The following PIP5K1B variants were observed in gnomAD, a reference collection of about 807,000 sequenced individuals.
PIP5K1B encodes the protein phosphatidylinositol 4-phosphate 5-kinase type-1 beta.
PIP5K1B carries 42 observed loss-of-function variants against 67.0 expected under a neutral mutation model. The observed-to-expected ratio is 0.63, with a 90% CI of 0.49 to 0.81. The LOEUF is 0.81. Ranked by LOEUF, PIP5K1B falls within the 30% of genes least tolerant of loss-of-function variation. PIP5K1B has a pLI of 0.00. For missense variants in PIP5K1B, 459 were observed against 646.3 expected, an observed-to-expected ratio of 0.71 and a Z score of 3.14; for synonymous variants, 214 against 231.4, an observed-to-expected ratio of 0.92 and a Z score of 0.68.
chr9:68,946,159 A>T lies in PIP5K1B; in HGVS notation c.1502+5369A>T, dbSNP rs546864494. Among the ~76,000 whole-genome samples, 5 of 152,288 alleles carry T rather than the reference A, an allele frequency of 3.3e-5. No homozygotes were observed. The East Asian group carries it at 9.7e-4, about 29-fold the overall frequency. ...ACAGCAAGGTCAGCAGGAATCTTTA[A>T]TATTTACAAAATGAAAGGAGAACAG... On this transcript the variant is annotated intron_variant, in intron 14 of 15. Transcript: ENST00000265382.
At chr9:68,896,724 A>G (rs139391448) in intron 8 of PIP5K1B, among the ~76,000 whole-genome samples, 3 of 152,330 alleles carry the variant, frequency 2.0e-5, no homozygotes, top group East Asian at 1.9e-4. Flanking sequence ...TGTCCTGACC[A>G]TGACCAAGTC....
intron 14 of PIP5K1B, among the ~76,000 whole-genome samples, chr9:68,964,633 C>G (rs1320037578): frequency 6.6e-6 from 1 of 152,088 alleles, no homozygotes; most frequent in Non-Finnish European, 1.5e-5. Context: ...ATGGAAGTTA[C>G]AAAGAAAGGA....
chr9:68,763,505 T>C (rs1244384396), intron 2 of PIP5K1B, among the ~76,000 whole-genome samples: 1 of 152,100 alleles, frequency 6.6e-6, no homozygotes, highest in Non-Finnish European at 1.5e-5. Flanking sequence ...ATGATCACAA[T>C]GATATTACAT....
rs558206260 is a variant in PIP5K1B at position 68,877,962 on chromosome 9, G to T, written c.318+1168G>T. Among the ~76,000 whole-genome samples, 42 of 151,450 alleles carry T rather than the reference G, an allele frequency of 2.8e-4. No individual in the cohort carries two copies. In the South Asian group the frequency reaches 8.8e-3, roughly 32 times the overall value. On this transcript the variant is annotated intron_variant, in intron 6 of 15. Coordinates refer to ENST00000265382, the MANE Select transcript of PIP5K1B (RefSeq NM_003558.4). ...CACTCCCCTTTCATTGAAGCCTCAGGTGCCTCTACCCATCACTACCAATGC... is the reference window on the plus strand; with the variant it reads ...CACTCCCCTTTCATTGAAGCCTCAGTTGCCTCTACCCATCACTACCAATGC...
chr9:68,781,731 AAAT>A (rs1831296768), intron 2 of PIP5K1B: 1 of 166,792 alleles, frequency 6.0e-6, no homozygotes, highest in African/African-American at 2.4e-5. Context: ...ACTATAGAGA[AAAT>A]AAAATTTTTT....
At chr9:68,807,433 G>T (rs762223922) in intron 2 of PIP5K1B, among the ~76,000 whole-genome samples, 8 of 152,150 alleles carry the variant, frequency 5.3e-5, no homozygotes, top group Non-Finnish European at 7.3e-5. Context: ...GCCATCCCCT[G>T]CAATGATTGT....
intron 14 of PIP5K1B, among the ~76,000 whole-genome samples, chr9:68,961,286 G>C (rs983471526): frequency 2.6e-5 from 4 of 151,836 alleles, no homozygotes; most frequent in African/African-American, 9.7e-5. Flanking sequence ...GTTACCTAGT[G>C]CTGGGGATTT....
At chr9:68,864,031 T>C in intron 5 of PIP5K1B, 64 bp downstream of exon 5, 2 of 1,487,452 alleles carry the variant, frequency 1.3e-6, no homozygotes, top group Middle Eastern at 4.4e-4. Context: ...CAACCCCATA[T>C]TGAAGGGCTT....
intron 4 of PIP5K1B, among the ~76,000 whole-genome samples, chr9:68,851,357 A>C (rs150213674): frequency 2.6e-3 from 398 of 152,348 alleles, no homozygotes; most frequent in Non-Finnish European, 3.7e-3. Flanking sequence ...CTAGTGTGTC[A>C]GAATAACCTT....
At chr9:68,901,196 C>T (rs868779360) in intron 8 of PIP5K1B, among the ~76,000 whole-genome samples, 3 of 152,146 alleles carry the variant, frequency 2.0e-5, no homozygotes, top group Non-Finnish European at 4.4e-5. Flanking sequence ...TTTTAGACTT[C>T]AATCAAAACA....
chr9:68,787,484 T>C (rs1378448485), intron 2 of PIP5K1B, among the ~76,000 whole-genome samples: 1 of 152,204 alleles, frequency 6.6e-6, no homozygotes, highest in African/African-American at 2.4e-5. Context: ...ACAGAATTTA[T>C]TTACTTTTCT....
chr9:68,914,229 T>C (rs1468820925), intron 8 of PIP5K1B, among the ~76,000 whole-genome samples: 4 of 152,178 alleles, frequency 2.6e-5, no homozygotes, highest in East Asian at 1.9e-4. Context: ...TCATGGATAC[T>C]CTGTGGAGGA....
chr9:68,796,084 C>T lies in PIP5K1B; in HGVS notation c.-85-22377C>T, dbSNP rs533923237. On this transcript the variant is annotated intron_variant, in intron 2 of 15. Coordinates refer to ENST00000265382, the MANE Select transcript of PIP5K1B (RefSeq NM_003558.4). ...TGTTTGCACTTCATGTATATTGTTC[C>T]AGGCTTTTTCTATGTCTAAATATGT... is the stretch of plus-strand genomic sequence containing the variant. Among the ~76,000 whole-genome samples the T allele has an allele frequency of 9.2e-5, 14 of 152,256 alleles. No individual in the cohort carries two copies. In the South Asian group the frequency reaches 2.9e-3, roughly 32 times the overall value.
chr9:68,901,084 GA>G (rs965157426), intron 8 of PIP5K1B, among the ~76,000 whole-genome samples: 1 of 151,992 alleles, frequency 6.6e-6, no homozygotes, highest in Non-Finnish European at 1.5e-5. Context: ...CACTGGGGAA[GA>G]AAAAATGCTT....
intron 12 of PIP5K1B, among the ~76,000 whole-genome samples, chr9:68,930,933 GTAAT>G (rs1053495855): frequency 2.0e-5 from 3 of 151,932 alleles, no homozygotes; most frequent in African/African-American, 7.2e-5. Flanking sequence ...ATTTCAAAGG[GTAAT>G]TAAATTATTA....
intron 4 of PIP5K1B, among the ~76,000 whole-genome samples, chr9:68,823,832 A>G (rs1833850739): frequency 6.6e-6 from 1 of 152,188 alleles, no homozygotes; most frequent in Non-Finnish European, 1.5e-5. Context: ...CTCTGACCAC[A>G]TATTCAGGTC....
intron 5 of PIP5K1B, among the ~76,000 whole-genome samples, chr9:68,866,295 CAA>C (rs538842640): frequency 3.4e-4 from 29 of 84,570 alleles, no homozygotes; most frequent in Non-Finnish European, 3.2e-4. Context: ...TACTCTGTCT[CAA>C]AAAAAAAAAA....
chr9:68,767,506 A>C (rs778723854), intron 2 of PIP5K1B, among the ~76,000 whole-genome samples: 3 of 151,162 alleles, frequency 2.0e-5, no homozygotes, highest in Non-Finnish European at 4.4e-5. Flanking sequence ...AGGCAGGGGA[A>C]TCGCTTGAAC....
intron 4 of PIP5K1B, among the ~76,000 whole-genome samples, chr9:68,832,169 G>A (rs1834360550): frequency 6.6e-6 from 1 of 152,196 alleles, no homozygotes; most frequent in African/African-American, 2.4e-5. Context: ...CTAGAAATGG[G>A]AAGATGACTA....
Sources: allele counts gnomAD v4.1 joint callset (sites outside exome capture counted in the v4.1 genomes callset), GRCh38; gene constraint gnomAD v4.1.1; transcripts MANE v1.5; gene names NCBI Gene and HGNC (gene_info 2026-07-23, HGNC 2026-07-21).